The following SMARCB1 variants were observed in gnomAD, a reference collection of about 807,000 sequenced individuals.
SMARCB1 encodes the protein SWI/SNF-related matrix-associated actin-dependent regulator of chromatin subfamily B member 1.
In SMARCB1, 5 loss-of-function variants were observed where a neutral mutation model predicts 49.0. The ratio of observed to expected loss-of-function variants is 0.10; its 90% CI spans 0.05 to 0.21. SMARCB1 has a LOEUF of 0.21. Among genes scored for constraint, SMARCB1 ranks in the 10% least tolerant of loss-of-function variants. SMARCB1 has a pLI of 1.00. For missense variants in SMARCB1, 226 were observed against 509.2 expected (o/e 0.44, Z 5.35); for synonymous variants, 201 against 200.1 (o/e 1.00, Z -0.04).
chr22:23,807,816 A>T (rs531560240), intron 5 of SMARCB1, among the ~76,000 whole-genome samples: 1 of 138,670 alleles, frequency 7.2e-6, no homozygotes, highest in South Asian at 2.3e-4. Context: ...TTTTTTTGAG[A>T]TGGAGTCTTG....
Position 23,800,926 on chromosome 22 carries a change from T to A in SMARCB1, c.363-18T>A, listed in dbSNP as rs1929103875. 1 of 1,607,640 alleles carries A rather than the reference T, an allele frequency of 6.2e-7. No homozygotes were observed. The highest frequency in any genetic ancestry group is 1.3e-5 in the African/African-American group (1 of 74,784). On this transcript the variant is annotated intron_variant, in intron 3 of 8. Coordinates refer to ENST00000644036, the MANE Select transcript of SMARCB1 (RefSeq NM_003073.5). ...GGCTCCTATACTGACTGGGAGGACT[T>A]TTCTTGTATCTCCTCAGGGAACAGA...
At chr22:23,809,519 G>T (rs933042939) in intron 5 of SMARCB1, among the ~76,000 whole-genome samples, 5 of 150,650 alleles carry the variant, frequency 3.3e-5, no homozygotes, top group African/African-American at 1.2e-4. Context: ...CAGGTGATCC[G>T]CCCACCTCGG....
intron 7 of SMARCB1, among the ~76,000 whole-genome samples, chr22:23,832,133 C>T (rs907551619): frequency 3.9e-5 from 6 of 152,172 alleles, no homozygotes; most frequent in African/African-American, 1.2e-4. Context: ...CTCACGGCTA[C>T]TGGAGCTGGG....
chr22:23,800,932 G>C lies in SMARCB1; in HGVS notation c.363-12G>C, dbSNP rs766691500. 6.2e-7 allele frequency: 1 copy of C among 1,609,608 alleles called. No individual in the cohort carries two copies. The highest frequency in any genetic ancestry group is 1.1e-5 in the South Asian group (1 of 90,990). ...TATACTGACTGGGAGGACTTTTCTT[G>C]TATCTCCTCAGGGAACAGAAGGCCA... On this transcript the variant is annotated splice_polypyrimidine_tract_variant and intron_variant, in intron 3 of 8. Coordinates refer to ENST00000644036, the MANE Select transcript of SMARCB1 (RefSeq NM_003073.5).
intron 5 of SMARCB1, among the ~76,000 whole-genome samples, chr22:23,810,910 A>G (rs1929830064): frequency 6.6e-6 from 1 of 151,988 alleles, no homozygotes; most frequent in African/African-American, 2.4e-5. Flanking sequence ...GGCGCCTGTA[A>G]TCCCAGCTAC....
At chr22:23,809,070 T>G (rs1713376114) in intron 5 of SMARCB1, among the ~76,000 whole-genome samples, 1 of 151,044 alleles carries the variant, frequency 6.6e-6, no homozygotes, top group African/African-American at 2.4e-5. Flanking sequence ...CCTGACCTCA[T>G]GATCTGCCCG....
At position 23,825,362 on chromosome 22, in the gene SMARCB1, C is replaced by T. The variant is rs150722737; in HGVS notation, c.933C>T (p.Ile311=). ...TGGGCGGGGAGTTTGTCACCACCAT[C>T]GCATACAGCATCCGGGGACAGCTGA... ...LGLGGEFVTT[I]AYSIRGQLSW... The change falls in exon 7 of 9, where the codon ATC becomes ATT. Residue 311 remains isoleucine, a synonymous_variant. Transcript: ENST00000644036. 4.3e-6 allele frequency: 7 copies of T among 1,614,144 alleles called. No homozygotes were observed. Among genetic ancestry groups the T allele is most frequent in the Non-Finnish European group, 5.9e-6 (7 of 1,179,972 alleles).
chr22:23,817,113 A>C (rs950368187), intron 6 of SMARCB1, 177 bp downstream of exon 6: 2 of 637,076 alleles, frequency 3.1e-6, no homozygotes, highest in Non-Finnish European at 2.8e-6. Context: ...GCATAGGCTG[A>C]GTTCTCATAG....
At chr22:23,821,409 G>A (rs1359168322) in intron 6 of SMARCB1, among the ~76,000 whole-genome samples, 1 of 146,932 alleles carries the variant, frequency 6.8e-6, no homozygotes, top group Non-Finnish European at 1.5e-5. Context: ...GAAGAGCTGG[G>A]TATTTCTTTC....
At chr22:23,831,959 G>T (rs946444545) in intron 7 of SMARCB1, among the ~76,000 whole-genome samples, 1 of 152,208 alleles carries the variant, frequency 6.6e-6, no homozygotes, top group South Asian at 2.1e-4. Flanking sequence ...GTACGAGCTT[G>T]AGCTTCTGCG....
Position 23,834,403 on chromosome 22 carries a change from G to C in SMARCB1, c.*223G>C. The C allele has an allele frequency of 1.5e-6, 1 of 666,940 alleles. No homozygotes were observed. The highest frequency in any genetic ancestry group is 2.7e-6 in the Non-Finnish European group (1 of 368,762). The allele number at this position is 666,940 out of a possible 1,614,324, so 41.3% of individuals were successfully genotyped here. The stretch of plus-strand genomic sequence containing the variant: ...CCCTCCCTACCCCTCCCCAGTCTCT[G>C]GGGTCAGGAAGAAACCTTATTTTAG... On this transcript the variant is annotated 3_prime_UTR_variant, in exon 9 of 9. Coordinates refer to ENST00000644036, the MANE Select transcript of SMARCB1 (RefSeq NM_003073.5).
At chr22:23,818,122 G>C (rs1258664237) in intron 6 of SMARCB1, 1 of 148,176 alleles carries the variant, frequency 6.7e-6, no homozygotes, top group East Asian at 2.0e-4. Flanking sequence ...CACCGCACCT[G>C]GCCGAAATAC....
rs538883099 is a variant in SMARCB1 at position 23,795,845 on chromosome 22, C to T, written c.362+2157C>T. On this transcript the variant is annotated intron_variant, in intron 3 of 8. Coordinates refer to ENST00000644036, the MANE Select transcript of SMARCB1 (RefSeq NM_003073.5). ...CACTCTTGTTGCCCAGGCTGGAGTA[C>T]GGTGGCATGATGTCGGCTCACTGCA... Among the ~76,000 whole-genome samples, 25 of 139,116 alleles carry T rather than the reference C, an allele frequency of 1.8e-4. No individual in the cohort carries two copies. The South Asian group carries it at 4.9e-3, about 28-fold the overall frequency. The allele number at this position is 139,116 out of a possible 152,430, so 91.3% of individuals were successfully genotyped here. A position where few individuals can be genotyped will look rare whatever the true frequency, so the allele number is the denominator to read the frequency against.
intron 5 of SMARCB1, among the ~76,000 whole-genome samples, chr22:23,808,847 T>G (rs1568946621): frequency 6.6e-6 from 1 of 151,794 alleles, no homozygotes; most frequent in Non-Finnish European, 1.5e-5. Context: ...TACAGGCATG[T>G]GCCACCATAC....
At chr22:23,830,530 C>T (rs1453048853) in intron 7 of SMARCB1, among the ~76,000 whole-genome samples, 1 of 152,000 alleles carries the variant, frequency 6.6e-6, no homozygotes, top group African/African-American at 2.4e-5. Flanking sequence ...ATAGAAGTCC[C>T]TCATCAGATA....
rs1171565856 is a variant in SMARCB1 at position 23,834,251 on chromosome 22, AAGGACAGAGGCG to A, written c.*75_*86del. ...GGCCGCCTCTCCTCCATCTTCTGGC[AAGGACAGAGGCG>A]AGGGGACAGCCCAGCGCCATCCTGA... On this transcript the variant is annotated 3_prime_UTR_variant, in exon 9 of 9. Coordinates refer to ENST00000644036, the MANE Select transcript of SMARCB1 (RefSeq NM_003073.5). 1 of 1,495,530 alleles carries A rather than the reference AAGGACAGAGGCG, an allele frequency of 6.7e-7. No individual in the cohort carries two copies. The highest frequency in any genetic ancestry group is 1.4e-5 in the African/African-American group (1 of 71,956). The allele number at this position is 1,495,530 out of a possible 1,614,324, so 92.6% of individuals were successfully genotyped here.
At chr22:23,806,964 T>A (rs1929535587) in intron 5 of SMARCB1, among the ~76,000 whole-genome samples, 1 of 151,284 alleles carries the variant, frequency 6.6e-6, no homozygotes, top group South Asian at 2.1e-4. Context: ...TTCTCAGGTT[T>A]CTGGTAGGTG....
Position 23,800,790 on chromosome 22 carries a change from G to C in SMARCB1, c.363-154G>C, listed in dbSNP as rs9608185. Among the ~76,000 whole-genome samples the C allele has an allele frequency of 0.59, 89,517 of 151,578 alleles. 29,359 individuals are homozygous for C. Among genetic ancestry groups the C allele is most frequent in the Non-Finnish European group, 0.72 (49,062 of 67,762 alleles). On this transcript the variant is annotated intron_variant, in intron 3 of 8. Transcript: ENST00000644036. ...CTAGCATCTGATGACAGCCTGGGGA[G>C]CAGGCTCCTGCAAAGTCAGGTGCAC...
chr22:23,790,676 C>G (rs959032822), intron 1 of SMARCB1, among the ~76,000 whole-genome samples: 1 of 152,030 alleles, frequency 6.6e-6, no homozygotes, highest in Non-Finnish European at 1.5e-5. Flanking sequence ...AACTCCGTCT[C>G]TACAAAAAAT....
Sources: gnomAD v4.1 joint callset for allele counts (sites outside exome capture counted in the v4.1 genomes callset) on GRCh38, gnomAD v4.1.1 for gene constraint, MANE v1.5 for transcripts, NCBI Gene and HGNC (gene_info 2026-07-23, HGNC 2026-07-21) for gene names.